Variants in RAB20 observed in about 807,000 individuals in gnomAD.
RAB20 encodes RAB20, member RAS oncogene family.
In RAB20, 2 loss-of-function variants were observed where a neutral mutation model predicts 3.7. That is an observed-to-expected ratio of 0.54 (90% confidence interval 0.22 to 1.69). The LOEUF (loss-of-function observed/expected upper bound fraction) is 1.69. Ranked by LOEUF, RAB20 falls within the 40% of genes most tolerant of loss-of-function variation. RAB20 has a pLI of 0.19. For missense variants in RAB20, 276 were observed against 311.9 expected (o/e 0.88, Z 0.87); for synonymous variants, 126 against 130.8 (o/e 0.96, Z 0.25).
chr13:110,537,326 A>G (rs56378310), intron 1 of RAB20, among the ~76,000 whole-genome samples: 56,077 of 151,436 alleles, frequency 0.37, 11,355 homozygotes, highest in Non-Finnish European at 0.43. Flanking sequence ...CTGTTTTTAC[A>G]TCAACCTAAT....
At chr13:110,536,146 G>T (rs1339451184) in intron 1 of RAB20, among the ~76,000 whole-genome samples, 5 of 152,238 alleles carry the variant, frequency 3.3e-5, no homozygotes, top group Non-Finnish European at 7.3e-5. Flanking sequence ...AGGCAGAGAT[G>T]AGAGCCACAG....
chr13:110,553,374 T>A (rs1008052356), intron 1 of RAB20, among the ~76,000 whole-genome samples: 1 of 152,254 alleles, frequency 6.6e-6, no homozygotes, highest in Non-Finnish European at 1.5e-5. Context: ...CTACAACTGC[T>A]GAATATTAAA....
intron 1 of RAB20, among the ~76,000 whole-genome samples, chr13:110,526,945 AG>A (rs1884440375): frequency 6.6e-6 from 1 of 152,156 alleles, no homozygotes; most frequent in Non-Finnish European, 1.5e-5. Flanking sequence ...TGTTCTGAGA[AG>A]GGGTCCTGGG....
intron 1 of RAB20, among the ~76,000 whole-genome samples, chr13:110,558,166 A>T (rs1038738006): frequency 2.0e-5 from 3 of 152,210 alleles, no homozygotes; most frequent in Non-Finnish European, 4.4e-5. Context: ...GGAGCACAGC[A>T]GTACGTCTTC....
chr13:110,523,952 GGTCCCCA>G lies in RAB20; in HGVS notation c.411_417del (p.Gly138ValfsTer65). 1 of 1,614,168 alleles carries G rather than the reference GGTCCCCA, an allele frequency of 6.2e-7. No homozygotes were observed. On this transcript the variant is annotated frameshift_variant, in exon 2 of 2. Transcript: ENST00000267328. LOFTEE classifies it low-confidence loss of function (END_TRUNC). ...TGCTTAGGTGCCCTTGGGGAGACAC[GGTCCCCA>G]GCGTCCATATTGGGACTGCACTCTT...
rs1227910747 is a variant in RAB20, at chr13:110,536,733, G to GA, written c.173-12537_173-12536insT. Among the ~76,000 whole-genome samples, 5 of 98,820 alleles carry GA rather than the reference G, an allele frequency of 5.1e-5. 1 individual carries two copies. The highest frequency in any genetic ancestry group is 1.0e-4 in the Non-Finnish European group (5 of 49,060). The allele number at this position is 98,820 out of a possible 152,430, so 64.8% of individuals were successfully genotyped here. A position where few individuals can be genotyped will look rare whatever the true frequency, so the allele number is the denominator to read the frequency against. ...AATGGCTTTTTTTTGGGGCGGTGGG[G>GA]GGGGGTTGTTTTTATGTTTATTTTA... is the stretch of plus-strand genomic sequence containing the variant. On this transcript the variant is annotated intron_variant, in intron 1 of 1. Coordinates refer to ENST00000267328, the MANE Select transcript of RAB20 (RefSeq NM_017817.3).
chr13:110,526,793 G>A lies in RAB20; in HGVS notation c.173-2596C>T, dbSNP rs1884437019. 2.6e-5 allele frequency among the ~76,000 whole-genome samples: 4 copies of A among 152,150 alleles called. No individual in the cohort carries two copies. The South Asian group carries it at 8.3e-4, about 32-fold the overall frequency. On this transcript the variant is annotated intron_variant, in intron 1 of 1. Transcript: ENST00000267328. ...TCAGACACTCCAGCGTGATGCCCAC[G>A]ACCCTTCAGACCTGCCATGCCTTCA...
At chr13:110,533,342 C>T (rs1884578480) in intron 1 of RAB20, among the ~76,000 whole-genome samples, 1 of 152,196 alleles carries the variant, frequency 6.6e-6, no homozygotes, top group Admixed American at 6.5e-5. Flanking sequence ...GATCTACATT[C>T]CCTCTAGGTT....
At chr13:110,542,837 T>A (rs1409763733) in intron 1 of RAB20, among the ~76,000 whole-genome samples, 1 of 152,134 alleles carries the variant, frequency 6.6e-6, no homozygotes, top group Non-Finnish European at 1.5e-5. Flanking sequence ...GACTGCTGGA[T>A]CATTTGTTCT....
chr13:110,529,714 TG>T (rs1884496256), intron 1 of RAB20, among the ~76,000 whole-genome samples: 2 of 152,120 alleles, frequency 1.3e-5, no homozygotes, highest in Non-Finnish European at 2.9e-5. Flanking sequence ...TCATCAGGGC[TG>T]GGGGCACGGG....
At chr13:110,547,280 C>T (rs1235567728) in intron 1 of RAB20, among the ~76,000 whole-genome samples, 1 of 152,180 alleles carries the variant, frequency 6.6e-6, no homozygotes, top group Non-Finnish European at 1.5e-5. Context: ...AATGAGAAAG[C>T]GCAGCTCAGA....
chr13:110,547,810 T>C (rs1316448352), intron 1 of RAB20, among the ~76,000 whole-genome samples: 1 of 152,232 alleles, frequency 6.6e-6, no homozygotes, highest in South Asian at 2.1e-4. Flanking sequence ...GGCCAAAGTC[T>C]GTAGACTGGA....
intron 1 of RAB20, 33 bp downstream of exon 1, chr13:110,561,315 A>C (rs780099106): frequency 1.0e-5 from 16 of 1,550,834 alleles, no homozygotes; most frequent in Non-Finnish European, 9.6e-6. Context: ...GCGGAGCCCC[A>C]GGGCGGTGTG....
At chr13:110,539,788 G>C (rs968598037) in intron 1 of RAB20, among the ~76,000 whole-genome samples, 4 of 152,120 alleles carry the variant, frequency 2.6e-5, no homozygotes, top group African/African-American at 9.7e-5. Context: ...TCGAACTCCT[G>C]ACCTCAGGTG....
chr13:110,527,567 A>T (rs1009242096), intron 1 of RAB20, among the ~76,000 whole-genome samples: 34 of 152,344 alleles, frequency 2.2e-4, no homozygotes, highest in African/African-American at 7.5e-4. Context: ...TTTGGGCGAC[A>T]GAGCCACCCT....
chr13:110,547,098 T>C (rs1483738000), intron 1 of RAB20, among the ~76,000 whole-genome samples: 2 of 152,222 alleles, frequency 1.3e-5, no homozygotes, highest in African/African-American at 4.8e-5. Flanking sequence ...AGGACTCATA[T>C]GTCAGAAGCC....
At chr13:110,553,139 C>A (rs998156699) in intron 1 of RAB20, among the ~76,000 whole-genome samples, 32 of 152,356 alleles carry the variant, frequency 2.1e-4, no homozygotes, top group African/African-American at 7.7e-4. Context: ...CCAGAAGGCA[C>A]CTGTTCGAAG....
intron 1 of RAB20, among the ~76,000 whole-genome samples, chr13:110,527,502 G>A (rs1039888326): frequency 1.1e-4 from 17 of 152,226 alleles, no homozygotes; most frequent in Admixed American, 4.6e-4. Context: ...CAAAGTGCGA[G>A]AGCTACCCGG....
Position 110,561,630 on chromosome 13 carries a change from C to G in RAB20, c.-111G>C, listed in dbSNP as rs1317055713. ...CCCCGGACTCGCCGGGACCCGGATT[C>G]TCGTGAACGCTCCGGGACCTTCGCC... is the stretch of plus-strand genomic sequence containing the variant. On this transcript the variant is annotated 5_prime_UTR_variant, in exon 1 of 2. Transcript: ENST00000267328. The G allele has an allele frequency of 6.8e-7, 1 of 1,469,722 alleles. No homozygotes were observed. The highest frequency in any genetic ancestry group is 2.6e-5 in the East Asian group (1 of 38,106). The allele number at this position is 1,469,722 out of a possible 1,614,324, so 91.0% of individuals were successfully genotyped here. A position where few individuals can be genotyped will look rare whatever the true frequency, so the allele number is the denominator to read the frequency against.
Sources: gnomAD v4.1 joint callset for allele counts (sites outside exome capture counted in the v4.1 genomes callset) on GRCh38, gnomAD v4.1.1 for gene constraint, MANE v1.5 for transcripts, NCBI Gene and HGNC (gene_info 2026-07-23, HGNC 2026-07-21) for gene names.